Variants in NCKAP1 observed in about 807,000 individuals in gnomAD.
NCKAP1 encodes the protein NCK associated protein 1.
Under a neutral mutation model 151.2 loss-of-function variants are expected in NCKAP1, and 21 were observed. The ratio of observed to expected loss-of-function variants is 0.14; its 90% confidence interval spans 0.10 to 0.20. The LOEUF is 0.20. NCKAP1 is among the 10% of genes least tolerant of loss of function. NCKAP1 has a pLI of 1.00. For synonymous variants in NCKAP1, 484 were observed against 451.8 expected (o/e 1.07, Z -0.90); for missense variants, 933 against 1,352.1 (o/e 0.69, Z 4.86).
At chr2:183,000,047 T>G (rs1307401266) in intron 6 of NCKAP1, among the ~76,000 whole-genome samples, 1 of 152,130 alleles carries the variant, frequency 6.6e-6, no homozygotes, top group Non-Finnish European at 1.5e-5. Flanking sequence ...TTGGGTACCA[T>G]GTTCACTACT....
chr2:182,925,673 G>A lies in NCKAP1; in HGVS notation c.*29C>T. The A allele has an allele frequency of 7.3e-7, 1 of 1,364,554 alleles. No homozygotes were observed. 84.5% of individuals were successfully genotyped at this position (1,364,554 alleles called of 1,614,324 possible). ...CAGGTAAAACCAAGGCAACAAAAATGCGTGCTTATCTTGATTAAGTAGGTA... is the reference window on the plus strand; with the variant it reads ...CAGGTAAAACCAAGGCAACAAAAATACGTGCTTATCTTGATTAAGTAGGTA... On this transcript the variant is annotated 3_prime_UTR_variant, in exon 31 of 31. Transcript: ENST00000361354.
At chr2:182,995,175 T>C (rs1426869209) in intron 7 of NCKAP1, among the ~76,000 whole-genome samples, 1 of 152,246 alleles carries the variant, frequency 6.6e-6, no homozygotes, top group African/African-American at 2.4e-5. Flanking sequence ...CTTATCAATT[T>C]CTCAAGCCTA....
At chr2:182,980,425 T>C (rs1575044667) in intron 13 of NCKAP1, among the ~76,000 whole-genome samples, 1 of 152,110 alleles carries the variant, frequency 6.6e-6, no homozygotes, top group Non-Finnish European at 1.5e-5. Context: ...GAAGTCTTTA[T>C]ATAAAGAGGA....
At chr2:182,997,982 G>A (rs1698301986) in intron 6 of NCKAP1, among the ~76,000 whole-genome samples, 1 of 152,126 alleles carries the variant, frequency 6.6e-6, no homozygotes, top group Non-Finnish European at 1.5e-5. Flanking sequence ...AATTCACCAT[G>A]ATCAAGTGGG....
rs1472241858 is a variant in NCKAP1, at chr2:182,920,888, A to AT, written c.*4813dup. The AT allele has an allele frequency of 1.5e-5, 1 of 67,726 alleles. No homozygotes were observed. Among genetic ancestry groups the AT allele is most frequent in the Non-Finnish European group, 4.6e-5 (1 of 21,748 alleles). The allele number at this position is 67,726 out of a possible 1,614,324, so 4.2% of individuals were successfully genotyped here. ...ATTGTGTGATGCAGCAAACACATGCATAAAAAAAAAATCAGAAATAATGAA... is the reference window on the plus strand; with the variant it reads ...ATTGTGTGATGCAGCAAACACATGCATTAAAAAAAAAATCAGAAATAATGAA... On this transcript the variant is annotated 3_prime_UTR_variant, in exon 31 of 31. Transcript: ENST00000361354.
At chr2:183,031,165 G>A (rs1027849301) in intron 1 of NCKAP1, among the ~76,000 whole-genome samples, 2 of 152,102 alleles carry the variant, frequency 1.3e-5, no homozygotes, top group African/African-American at 4.8e-5. Flanking sequence ...CACAAGTTCT[G>A]AGAAAGTCAT....
At chr2:183,006,115 T>C (rs1698467884) in intron 2 of NCKAP1, among the ~76,000 whole-genome samples, 2 of 152,202 alleles carry the variant, frequency 1.3e-5, no homozygotes, top group South Asian at 2.1e-4. Flanking sequence ...AATGCAAACA[T>C]CTATCAGATA....
chr2:182,980,269 T>A (rs1445554778), intron 13 of NCKAP1, among the ~76,000 whole-genome samples: 1 of 151,952 alleles, frequency 6.6e-6, no homozygotes, highest in East Asian at 1.9e-4. Flanking sequence ...ACTATAGAGT[T>A]TAGAATACTA....
At chr2:182,988,892 T>C (rs550573320) in intron 9 of NCKAP1, 138 bp downstream of exon 9, 236 of 615,696 alleles carry the variant, frequency 3.8e-4, no homozygotes, top group Non-Finnish European at 5.2e-4. Context: ...TAAAAACAAC[T>C]TCCTGGGATC....
chr2:183,036,951 T>C (rs1699114199), intron 1 of NCKAP1, among the ~76,000 whole-genome samples: 1 of 152,210 alleles, frequency 6.6e-6, no homozygotes, highest in Non-Finnish European at 1.5e-5. Flanking sequence ...CAAAGACACA[T>C]TGGAAACTCG....
chr2:182,921,640 C>T lies in NCKAP1; in HGVS notation c.*4062G>A, dbSNP rs1356030987. ...TAAACCAGAAATGAGACATGGCCCT[C>T]TGTGGCTAGGATCCTAACTTCAGAT... On this transcript the variant is annotated 3_prime_UTR_variant, in exon 31 of 31. Transcript: ENST00000361354. 2.6e-5 allele frequency: 4 copies of T among 152,202 alleles called. No individual in the cohort carries two copies. The highest frequency in any genetic ancestry group is 2.6e-4 in the Admixed American group (4 of 15,276). The allele number at this position is 152,202 out of a possible 1,614,324, so 9.4% of individuals were successfully genotyped here.
chr2:183,012,305 G>A (rs1038232756), intron 2 of NCKAP1, among the ~76,000 whole-genome samples: 1 of 152,182 alleles, frequency 6.6e-6, no homozygotes, highest in Non-Finnish European at 1.5e-5. Context: ...CAAAGGAGAG[G>A]CTGCTCTGAG....
intron 13 of NCKAP1, among the ~76,000 whole-genome samples, chr2:182,980,634 G>GA (rs1343176711): frequency 3.3e-5 from 5 of 151,578 alleles, no homozygotes; most frequent in South Asian, 2.1e-4. Flanking sequence ...ACCAATTAAG[G>GA]AAAAAAAATT....
intron 2 of NCKAP1, among the ~76,000 whole-genome samples, chr2:183,003,604 T>C (rs1283609208): frequency 6.6e-6 from 1 of 151,934 alleles, no homozygotes. Flanking sequence ...AAGTATCAAA[T>C]GAACTCTTAA....
rs780905237 is a variant in NCKAP1, at chr2:182,967,261, G to A, written c.1583C>T (p.Ser528Phe). 10 of 1,611,600 alleles carry A rather than the reference G, an allele frequency of 6.2e-6. No homozygotes were observed. The South Asian group carries it at 6.6e-5, about 11-fold the overall frequency. ...TGTTTCCACCAACATTTCCACCAAG[G>A]AATCTACCATTTTTGTATGAAAAAT... The part of the protein sequence containing the change: ...TIIFHTKMVD[S>F]LVEMLVETSD... Residue 528 changes from serine to phenylalanine, a missense_variant, in exon 16 of 31, where the codon TCC becomes TTC. This residue lies in a region of NCKAP1 where 607 missense variants were observed against 795.0 expected (regional missense o/e 0.76). Transcript: ENST00000361354.
Position 183,002,958 on chromosome 2 carries a change from T to C in NCKAP1, c.369+16A>G. 6.3e-7 allele frequency: 1 copy of C among 1,593,948 alleles called. No homozygotes were observed. The highest frequency in any genetic ancestry group is 8.6e-7 in the Non-Finnish European group (1 of 1,165,234). On this transcript the variant is annotated intron_variant, in intron 4 of 30. Transcript: ENST00000361354. The stretch of plus-strand genomic sequence containing the variant: ...GAAACAGAATAATTGGACATTTTTC[T>C]GAAAATGATACTTACAATATCAAAG...
At chr2:183,007,132 CA>C (rs1698492505) in intron 2 of NCKAP1, among the ~76,000 whole-genome samples, 1 of 152,176 alleles carries the variant, frequency 6.6e-6, no homozygotes, top group Non-Finnish European at 1.5e-5. Flanking sequence ...CTCGGCCTCC[CA>C]AAGTGCTGGG....
intron 13 of NCKAP1, among the ~76,000 whole-genome samples, chr2:182,980,950 C>T (rs190204390): frequency 6.6e-6 from 1 of 152,132 alleles, no homozygotes; most frequent in African/African-American, 2.4e-5. Context: ...TGATTAACCT[C>T]CTCTTTCCCA....
At position 182,921,255 on chromosome 2, in the gene NCKAP1, A is replaced by C. The variant is rs1696546484; in HGVS notation, c.*4447T>G. 6.6e-6 allele frequency: 1 copy of C among 152,218 alleles called. No individual in the cohort carries two copies. Among genetic ancestry groups the C allele is most frequent in the Non-Finnish European group, 1.5e-5 (1 of 68,034 alleles). The allele number at this position is 152,218 out of a possible 1,614,324, so 9.4% of individuals were successfully genotyped here. On this transcript the variant is annotated 3_prime_UTR_variant, in exon 31 of 31. Transcript: ENST00000361354. The stretch of plus-strand genomic sequence containing the variant: ...TAAATTTAAAAAATGAGCTTTAATA[A>C]AATTACAGTAAATTTTAAATATGAT...
Sources: allele counts gnomAD v4.1 joint callset (sites outside exome capture counted in the v4.1 genomes callset), GRCh38; gene constraint gnomAD v4.1.1; regional missense constraint gnomAD v4.1.1; transcripts MANE v1.5; gene names NCBI Gene and HGNC (gene_info 2026-07-23, HGNC 2026-07-21).